The following ARHGAP44 variants were observed in gnomAD, a reference collection of about 807,000 sequenced individuals.
ARHGAP44 encodes rho GTPase-activating protein 44.
Under a neutral mutation model 106.8 loss-of-function variants are expected in ARHGAP44, and 43 were observed. The ratio of observed to expected loss-of-function variants is 0.40; its 90% CI spans 0.32 to 0.52. The LOEUF (loss-of-function observed/expected upper bound fraction) is 0.52. Among genes scored for constraint, ARHGAP44 ranks in the 20% least tolerant of loss-of-function variants. ARHGAP44 has a pLI of 0.48. For missense variants in ARHGAP44, 866 were observed against 1,050.5 expected, an observed-to-expected ratio of 0.82 and a Z score of 2.43; for synonymous variants, 439 against 410.3, an observed-to-expected ratio of 1.07 and a Z score of -0.85.
rs761706949 is a variant in ARHGAP44, at chr17:12,984,814, T to C, written c.2223T>C (p.Pro741=). 1.2e-6 allele frequency: 2 copies of C among 1,613,950 alleles called. No homozygotes were observed. Among genetic ancestry groups the C allele is most frequent in the Non-Finnish European group, 8.5e-7 (1 of 1,179,892 alleles). ...KPRQRPTLPP[P]QPPTVNLSAS... The stretch of plus-strand genomic sequence containing the variant: ...GACAGAGACCTACTCTGCCGCCTCC[T>C]CAGCCTCCCACAGTAAACCTCTCGG... Residue 741 remains proline (P), a synonymous_variant, in exon 20 of 21, where the codon CCT becomes CCC. Transcript: ENST00000379672.
intron 7 of ARHGAP44, among the ~76,000 whole-genome samples, chr17:12,940,174 G>T (rs1370639924): frequency 1.3e-5 from 2 of 152,088 alleles, no homozygotes; most frequent in African/African-American, 2.4e-5. Context: ...TGAACACGTA[G>T]GCTCTTCTCT....
chr17:12,833,294 C>T (rs901332418), intron 1 of ARHGAP44, among the ~76,000 whole-genome samples: 2 of 152,160 alleles, frequency 1.3e-5, no homozygotes, highest in African/African-American at 4.8e-5. Flanking sequence ...TATTGATGGA[C>T]TTTTTCGTAC....
At chr17:12,881,985 G>A (rs1319766915) in intron 1 of ARHGAP44, among the ~76,000 whole-genome samples, 4 of 152,108 alleles carry the variant, frequency 2.6e-5, no homozygotes, top group African/African-American at 9.7e-5. Context: ...TCGGTCCTGG[G>A]CCACTGTGCC....
chr17:12,829,343 G>C (rs1004413315), intron 1 of ARHGAP44, among the ~76,000 whole-genome samples: 1 of 152,044 alleles, frequency 6.6e-6, no homozygotes. Flanking sequence ...CCAGGGTGCA[G>C]CCCAAATCAC....
At chr17:12,844,519 C>T (rs2035507976) in intron 1 of ARHGAP44, among the ~76,000 whole-genome samples, 1 of 152,166 alleles carries the variant, frequency 6.6e-6, no homozygotes, top group Admixed American at 6.5e-5. Context: ...GATTAAGTTT[C>T]CAATGCATTA....
intron 4 of ARHGAP44, among the ~76,000 whole-genome samples, chr17:12,911,687 T>G (rs1272286969): frequency 6.6e-6 from 1 of 152,142 alleles, no homozygotes; most frequent in East Asian, 1.9e-4. Flanking sequence ...CTGAGCAGAA[T>G]TCTCTAGAGG....
intron 20 of ARHGAP44, chr17:12,986,992 G>T: frequency 9.9e-7 from 1 of 1,015,004 alleles, no homozygotes. Flanking sequence ...GTTTGATGTG[G>T]CCCGTCTGGG....
intron 7 of ARHGAP44, among the ~76,000 whole-genome samples, chr17:12,936,589 G>A (rs1339347886): frequency 3.9e-5 from 6 of 152,126 alleles, no homozygotes; most frequent in Non-Finnish European, 5.9e-5. Context: ...CTATCCACTC[G>A]CCTACTGAAG....
intron 4 of ARHGAP44, among the ~76,000 whole-genome samples, chr17:12,914,863 C>T (rs1350383718): frequency 1.3e-5 from 2 of 151,440 alleles, no homozygotes; most frequent in Non-Finnish European, 2.9e-5. Flanking sequence ...TCAGGATATG[C>T]TCAGTATAAA....
chr17:12,946,369 AG>A (rs2038851147), intron 10 of ARHGAP44, among the ~76,000 whole-genome samples: 1 of 151,782 alleles, frequency 6.6e-6, no homozygotes, highest in Non-Finnish European at 1.5e-5. Flanking sequence ...TTTTTGGCTG[AG>A]CACAGTAGTT....
chr17:12,933,748 G>T (rs536659555), intron 7 of ARHGAP44, among the ~76,000 whole-genome samples: 1 of 152,064 alleles, frequency 6.6e-6, no homozygotes, highest in African/African-American at 2.4e-5. Context: ...ATTTTGCTTC[G>T]TACAGGAGAC....
chr17:12,893,109 T>TG (rs1042977703), intron 1 of ARHGAP44, among the ~76,000 whole-genome samples: 1 of 152,042 alleles, frequency 6.6e-6, no homozygotes, highest in African/African-American at 2.4e-5. Flanking sequence ...GCTGCTCTAG[T>TG]GGGGGGAGCA....
At chr17:12,984,962 C>G in intron 20 of ARHGAP44, 54 bp downstream of exon 20, 1 of 1,541,710 alleles carries the variant, frequency 6.5e-7, no homozygotes, top group South Asian at 1.2e-5. Flanking sequence ...GTGAAATGTG[C>G]CTAGGGGAGG....
chr17:12,970,441 G>A (rs1225421342), intron 16 of ARHGAP44, among the ~76,000 whole-genome samples: 1 of 151,680 alleles, frequency 6.6e-6, no homozygotes, highest in African/African-American at 2.4e-5. Context: ...AATCACCTCA[G>A]GTTCCACTCC....
rs78067617 is a variant in ARHGAP44 at position 12,805,312 on chromosome 17, T to A, written c.53+15421T>A. Among the ~76,000 whole-genome samples the A allele has an allele frequency of 7.3e-3, 1,118 of 152,300 alleles. 20 individuals are homozygous for A. Among genetic ancestry groups the A allele is most frequent in the African/African-American group, 0.026 (1,069 of 41,568 alleles). ...AGGGATTGGGGTTTCTTCATCTCTG[T>A]GTCCTGACTGGTGTCCACAGTGCTT... is the stretch of plus-strand genomic sequence containing the variant. On this transcript the variant is annotated intron_variant, in intron 1 of 20. Coordinates refer to ENST00000379672, the MANE Select transcript of ARHGAP44 (RefSeq NM_014859.6).
Position 12,928,980 on chromosome 17 carries a change from G to C in ARHGAP44, c.516G>C (p.Ala172=), listed in dbSNP as rs779973103. The C allele has an allele frequency of 6.2e-7, 1 of 1,613,392 alleles. No homozygotes were observed. The highest frequency in any genetic ancestry group is 1.3e-5 in the African/African-American group (1 of 74,950). Residue 172 remains alanine (A), a synonymous_variant, in exon 7 of 21, where the codon GCG becomes GCC. Coordinates refer to ENST00000379672, the MANE Select transcript of ARHGAP44 (RefSeq NM_014859.6). ...SSGLSSSLQP[A]GAKADALREE... is the part of the protein sequence containing the mutation. ...GTTTGTCCAGCAGCTTACAGCCTGCGGGTGCCAAGGCTGATGCCCTCAGGG... is the reference window on the plus strand; with the variant it reads ...GTTTGTCCAGCAGCTTACAGCCTGCCGGTGCCAAGGCTGATGCCCTCAGGG...
rs529926828 is a variant in ARHGAP44, at chr17:12,990,236, C to T, written c.*65C>T. ...CGGGCCCTAGGAACGCCGCCAGGAG[C>T]AGCGTCCATGAGCTTGCCAAGTGTT... On this transcript the variant is annotated 3_prime_UTR_variant, in exon 21 of 21. Transcript: ENST00000379672. 1 of 1,553,914 alleles carries T rather than the reference C, an allele frequency of 6.4e-7. No individual in the cohort carries two copies. The highest frequency in any genetic ancestry group is 8.8e-7 in the Non-Finnish European group (1 of 1,141,166).
intron 6 of ARHGAP44, among the ~76,000 whole-genome samples, chr17:12,924,326 T>C (rs2038172501): frequency 1.3e-5 from 2 of 152,232 alleles, no homozygotes; most frequent in African/African-American, 4.8e-5. Flanking sequence ...TCAGAGAAAC[T>C]GATGCTTACA....
At chr17:12,796,556 C>A (rs1482735278) in intron 1 of ARHGAP44, among the ~76,000 whole-genome samples, 1 of 152,108 alleles carries the variant, frequency 6.6e-6, no homozygotes, top group Non-Finnish European at 1.5e-5. Flanking sequence ...CAACACCATA[C>A]CTGACCCCAC....
Sources: allele counts gnomAD v4.1 joint callset (sites outside exome capture counted in the v4.1 genomes callset), GRCh38; gene constraint gnomAD v4.1.1; transcripts MANE v1.5; gene names NCBI Gene and HGNC (gene_info 2026-07-23, HGNC 2026-07-21).